MTBP: variants seen among roughly 807,000 people sequenced by gnomAD.
MTBP encodes MDM2 binding protein, also known as mdm2-binding protein.
MTBP carries 101 observed loss-of-function variants against 117.0 expected under a neutral mutation model. The observed-to-expected ratio is 0.86, with a 90% CI of 0.73 to 1.02. The LOEUF (loss-of-function observed/expected upper bound fraction) is 1.02, where lower values mean the gene tolerates loss of function less well. Ranked by LOEUF, MTBP falls within the 50% of genes least tolerant of loss-of-function variation. The probability of loss-of-function intolerance (pLI) is 0.00; values close to 1 mark genes in which losing one functional copy is unlikely to be tolerated. For synonymous variants in MTBP, 350 were observed against 351.5 expected (o/e 1.00, Z 0.05); for missense variants, 970 against 1,030.9 (o/e 0.94, Z 0.81).
chr8:120,483,961 T>C (rs1437220259), intron 11 of MTBP, among the ~76,000 whole-genome samples: 2 of 152,154 alleles, frequency 1.3e-5, no homozygotes, highest in Non-Finnish European at 2.9e-5. Flanking sequence ...AGTTATTTAA[T>C]AAGTCTTCAA....
intron 17 of MTBP, among the ~76,000 whole-genome samples, chr8:120,511,915 T>G (rs961993555): frequency 2.0e-5 from 3 of 152,144 alleles, no homozygotes; most frequent in Non-Finnish European, 4.4e-5. Context: ...ATATAAAATA[T>G]TGACTCTGCT....
intron 12 of MTBP, among the ~76,000 whole-genome samples, chr8:120,489,620 T>C (rs1371963680): frequency 6.6e-6 from 1 of 152,172 alleles, no homozygotes; most frequent in East Asian, 1.9e-4. Flanking sequence ...GGTTACCAAT[T>C]TGTCCTAGTC....
chr8:120,504,116 G>C (rs1038731255), intron 15 of MTBP, among the ~76,000 whole-genome samples: 1 of 152,098 alleles, frequency 6.6e-6, no homozygotes, highest in African/African-American at 2.4e-5. Flanking sequence ...GAGTTACATG[G>C]TGAGACTATG....
intron 13 of MTBP, among the ~76,000 whole-genome samples, chr8:120,496,726 A>C (rs536366224): frequency 5.1e-4 from 77 of 152,196 alleles, no homozygotes; most frequent in South Asian, 2.7e-3. Context: ...AAAAAGAAAA[A>C]AAAATGCAAG....
intron 20 of MTBP, among the ~76,000 whole-genome samples, chr8:120,521,193 A>G (rs978490823): frequency 1.3e-5 from 2 of 152,174 alleles, no homozygotes; most frequent in African/African-American, 2.4e-5. Flanking sequence ...TTTGCTGTAC[A>G]TTTAGCCCAT....
At chr8:120,466,201 G>GT (rs1380996490) in intron 10 of MTBP, among the ~76,000 whole-genome samples, 1 of 131,180 alleles carries the variant, frequency 7.6e-6, no homozygotes, top group African/African-American at 2.8e-5. Flanking sequence ...GTTATGATTT[G>GT]TTTTTTACTC....
intron 14 of MTBP, among the ~76,000 whole-genome samples, chr8:120,501,035 C>T (rs1214968984): frequency 1.3e-5 from 2 of 151,956 alleles, no homozygotes; most frequent in African/African-American, 4.8e-5. Flanking sequence ...ACTGAAAATA[C>T]AAAAAATTAG....
chr8:120,472,620 T>G (rs781066640), intron 11 of MTBP: 5 of 152,198 alleles, frequency 3.3e-5, no homozygotes, highest in Admixed American at 6.6e-5. Context: ...CCTTGCCACA[T>G]GGTCTTCTCA....
intron 16 of MTBP, among the ~76,000 whole-genome samples, chr8:120,509,645 A>G (rs1814759686): frequency 6.6e-6 from 1 of 152,132 alleles, no homozygotes; most frequent in African/African-American, 2.4e-5. Context: ...TGCCTCTTGA[A>G]TTTCCATTAT....
chr8:120,521,864 G>A (rs1586977242), intron 20 of MTBP, among the ~76,000 whole-genome samples: 2 of 40,016 alleles, frequency 5.0e-5, no homozygotes, highest in Non-Finnish European at 1.3e-4. Context: ...GGATGCTCAC[G>A]GTGGAGGATG....
At chr8:120,496,136 G>A (rs749344492) in intron 13 of MTBP, among the ~76,000 whole-genome samples, 3 of 152,140 alleles carry the variant, frequency 2.0e-5, no homozygotes, top group Non-Finnish European at 4.4e-5. Flanking sequence ...TCAGAGCTAG[G>A]CAACTGCAGA....
At chr8:120,478,086 A>C (rs1813986030) in intron 11 of MTBP, among the ~76,000 whole-genome samples, 1 of 152,220 alleles carries the variant, frequency 6.6e-6, no homozygotes, top group Non-Finnish European at 1.5e-5. Context: ...AAAAAGAATG[A>C]GTTCATGTCC....
At chr8:120,488,919 C>T (rs1380610013) in intron 12 of MTBP, among the ~76,000 whole-genome samples, 3 of 152,106 alleles carry the variant, frequency 2.0e-5, no homozygotes, top group Non-Finnish European at 4.4e-5. Flanking sequence ...TTTCTTCACA[C>T]CCATGTTTGG....
intron 17 of MTBP, 128 bp from the exon 18 acceptor site, chr8:120,515,797 C>T (rs369596355): frequency 1.0e-5 from 9 of 892,698 alleles, no homozygotes; most frequent in South Asian, 2.0e-5. Context: ...GCCACTCAAC[C>T]TTCCAGCAAT....
Position 120,516,055 on chromosome 8 carries a change from C to A in MTBP, c.2110C>A (p.Pro704Thr). Residue 704 changes from proline to threonine, a missense_variant, in exon 18 of 22, where the codon CCT (proline) becomes ACT (threonine). Pro to Thr is a conservative substitution (Grantham distance 38). Transcript: ENST00000305949. ...ESFPVPTVLS[P>T]LPSPVVSSDP... is the part of the protein sequence containing the mutation. ...TTTTCCAGTACCTACTGTGTTGAGC[C>A]CTCTTCCATCTCCTGTAGTTTCGTC... 6.2e-7 allele frequency: 1 copy of A among 1,613,046 alleles called. No homozygotes were observed. Among genetic ancestry groups the A allele is most frequent in the Non-Finnish European group, 8.5e-7 (1 of 1,179,232 alleles).
intron 10 of MTBP, 144 bp from the exon 11 acceptor site, chr8:120,470,676 T>C (rs530927377): frequency 1.8e-6 from 1 of 567,890 alleles, no homozygotes; most frequent in East Asian, 3.0e-5. Flanking sequence ...TCTTACTTTT[T>C]AGTTTTTATA....
chr8:120,500,440 A>T (rs1814559862), intron 14 of MTBP, among the ~76,000 whole-genome samples: 1 of 152,148 alleles, frequency 6.6e-6, no homozygotes, highest in Non-Finnish European at 1.5e-5. Context: ...GTTTACTGTT[A>T]TTTAAGATTG....
At position 120,458,847 on chromosome 8, in the gene MTBP, C is replaced by CAA. The variant is rs5894523; in HGVS notation, c.748-352_748-351dup. On this transcript the variant is annotated intron_variant, in intron 7 of 21. Transcript: ENST00000305949. ...CAAGAGTGAAACTCCATCTCAAAGC[C>CAA]AAAAAAAAAAAAAAAAAGGAACAAG... Among the ~76,000 whole-genome samples, 472 of 112,002 alleles carry CAA rather than the reference C, an allele frequency of 4.2e-3. 1 individual carries two copies. The highest frequency in any genetic ancestry group is 0.018 in the African/African-American group (451 of 25,586). The allele number at this position is 112,002 out of a possible 152,430, so 73.5% of individuals were successfully genotyped here. A position where few individuals can be genotyped will look rare whatever the true frequency, so the allele number is the denominator to read the frequency against.
intron 16 of MTBP, among the ~76,000 whole-genome samples, chr8:120,507,227 A>T (rs1334423565): frequency 6.6e-6 from 1 of 152,082 alleles, no homozygotes; most frequent in Non-Finnish European, 1.5e-5. Context: ...TATTGCCACT[A>T]CTCAGCATGA....
Sources: gnomAD v4.1 joint callset for allele counts (sites outside exome capture counted in the v4.1 genomes callset) on GRCh38, gnomAD v4.1.1 for gene constraint, MANE v1.5 for transcripts, NCBI Gene and HGNC (gene_info 2026-07-23, HGNC 2026-07-21) for gene names.